SCN11A: variants seen among roughly 807,000 people sequenced by gnomAD.
SCN11A encodes the protein sodium channel protein type 11 subunit alpha.
Under a neutral mutation model 162.2 loss-of-function variants are expected in SCN11A, and 122 were observed. That is an observed-to-expected ratio of 0.75 (90% CI 0.65 to 0.87). The LOEUF (loss-of-function observed/expected upper bound fraction) is 0.87. Ranked by LOEUF, SCN11A falls within the 40% of genes least tolerant of loss-of-function variation. The probability of loss-of-function intolerance (pLI) is 0.00; values close to 1 mark genes in which losing one functional copy is unlikely to be tolerated. For synonymous variants in SCN11A, 758 were observed against 751.5 expected (o/e 1.01, Z -0.14); for missense variants, 2,015 against 2,181.6 (o/e 0.92, Z 1.52).
intron 29 of SCN11A, 33 bp downstream of exon 29, chr3:38,850,448 C>A (rs28714970): frequency 6.3e-7 from 1 of 1,579,210 alleles, no homozygotes; most frequent in Non-Finnish European, 8.6e-7. Flanking sequence ...ACTTCTGGTT[C>A]TTAAAGTCCC....
chr3:38,937,559 G>A (rs867812741), intron 7 of SCN11A, among the ~76,000 whole-genome samples: 1,561 of 151,270 alleles, frequency 0.01, 19 homozygotes, highest in African/African-American at 0.036. Flanking sequence ...AAAAGTGGGC[G>A]AAGGACATGA....
chr3:38,872,131 C>A (rs1381591790), intron 24 of SCN11A, 62 bp downstream of exon 24: 1 of 994,068 alleles, frequency 1.0e-6, no homozygotes. Context: ...CCAAAAAGAA[C>A]TGTTGGTCTT....
intron 2 of SCN11A, among the ~76,000 whole-genome samples, chr3:39,011,353 CT>C (rs140246115): frequency 0.029 from 4,388 of 152,244 alleles, 213 homozygotes; most frequent in African/African-American, 0.1. Context: ...GGAAGTAAGG[CT>C]TTGCCTAAAA....
At chr3:38,960,956 C>G (rs952613815) in intron 2 of SCN11A, among the ~76,000 whole-genome samples, 2 of 152,180 alleles carry the variant, frequency 1.3e-5, no homozygotes, top group African/African-American at 4.8e-5. Context: ...ACCCAAAACT[C>G]CCCCAAGTAA....
chr3:39,020,188 C>T (rs1356859472), intron 2 of SCN11A, among the ~76,000 whole-genome samples: 1 of 152,108 alleles, frequency 6.6e-6, no homozygotes, highest in Non-Finnish European at 1.5e-5. Flanking sequence ...AGCCTTAGCG[C>T]ATAGTAAGCA....
At chr3:38,957,174 T>C (rs547557442) in intron 3 of SCN11A, among the ~76,000 whole-genome samples, 1 of 151,834 alleles carries the variant, frequency 6.6e-6, no homozygotes, top group South Asian at 2.1e-4. Context: ...GCATAGTAGT[T>C]CAAAGAAAAA....
chr3:38,980,057 A>G (rs2029971873), intron 2 of SCN11A, among the ~76,000 whole-genome samples: 1 of 152,152 alleles, frequency 6.6e-6, no homozygotes, highest in Non-Finnish European at 1.5e-5. Context: ...CACCAGGCCC[A>G]GGGGACCAGG....
intron 2 of SCN11A, among the ~76,000 whole-genome samples, chr3:38,993,446 T>C (rs1177997259): frequency 6.6e-6 from 1 of 152,220 alleles, no homozygotes; most frequent in Non-Finnish European, 1.5e-5. Context: ...CTTGGCTCCC[T>C]TCTCCTCCTC....
intron 2 of SCN11A, among the ~76,000 whole-genome samples, chr3:38,997,564 C>A (rs914756885): frequency 2.0e-5 from 3 of 152,292 alleles, no homozygotes; most frequent in Non-Finnish European, 4.4e-5. Context: ...AGGTTTGATA[C>A]GTATTCCTCT....
intron 15 of SCN11A, 60 bp downstream of exon 15, chr3:38,905,132 A>T (rs2065771900): frequency 1.2e-6 from 2 of 1,609,074 alleles, no homozygotes; most frequent in Admixed American, 3.3e-5. Context: ...ATTGGGAAGA[A>T]GAAGAATGGA....
At chr3:38,865,517 AAAAG>A (rs1186976067) in intron 27 of SCN11A, among the ~76,000 whole-genome samples, 1 of 152,222 alleles carries the variant, frequency 6.6e-6, no homozygotes, top group Non-Finnish European at 1.5e-5. Flanking sequence ...GAGGAAAAAT[AAAAG>A]AAAGCCATAA....
chr3:38,989,155 T>C (rs899196281), intron 2 of SCN11A, among the ~76,000 whole-genome samples: 40 of 152,224 alleles, frequency 2.6e-4, no homozygotes, highest in African/African-American at 9.7e-4. Context: ...GAGACTGCGA[T>C]GCTGGGGAGA....
intron 13 of SCN11A, among the ~76,000 whole-genome samples, chr3:38,908,425 G>T (rs2065834804): frequency 6.6e-6 from 1 of 152,296 alleles, no homozygotes; most frequent in East Asian, 1.9e-4. Flanking sequence ...TGATAGTGCA[G>T]ATGTTAAGCA....
At chr3:39,013,595 A>G (rs1311488780) in intron 2 of SCN11A, among the ~76,000 whole-genome samples, 1 of 152,244 alleles carries the variant, frequency 6.6e-6, no homozygotes, top group African/African-American at 2.4e-5. Flanking sequence ...GGATCAGCAT[A>G]GCCCACCCTT....
chr3:38,851,421 T>C (rs925654203), intron 28 of SCN11A, among the ~76,000 whole-genome samples: 4 of 152,186 alleles, frequency 2.6e-5, no homozygotes, highest in South Asian at 4.1e-4. Flanking sequence ...GGTTTATATA[T>C]AGATGGCCAT....
At chr3:38,963,526 T>C (rs1411703006) in intron 2 of SCN11A, among the ~76,000 whole-genome samples, 1 of 149,774 alleles carries the variant, frequency 6.7e-6, no homozygotes. Context: ...TACATATATA[T>C]AATGGAACAC....
intron 19 of SCN11A, 99 bp from the exon 20 acceptor site, chr3:38,886,337 G>T: frequency 1.5e-6 from 1 of 679,476 alleles, no homozygotes; most frequent in Non-Finnish European, 2.5e-6. Flanking sequence ...TTTGTCATGA[G>T]AATAAGCCTT....
intron 7 of SCN11A, among the ~76,000 whole-genome samples, chr3:38,933,756 C>T (rs920068558): frequency 6.6e-6 from 1 of 152,134 alleles, no homozygotes; most frequent in African/African-American, 2.4e-5. Flanking sequence ...GATTGGTGTA[C>T]CTGAAAGTGA....
chr3:39,012,600 C>G (rs1000177553), intron 2 of SCN11A, among the ~76,000 whole-genome samples: 6 of 151,924 alleles, frequency 3.9e-5, no homozygotes, highest in Middle Eastern at 3.4e-3. Context: ...CCTGCCTCAG[C>G]CTCCCAAGCA....
Sources: allele counts gnomAD v4.1 joint callset (sites outside exome capture counted in the v4.1 genomes callset), GRCh38; gene constraint gnomAD v4.1.1; transcripts MANE v1.5; gene names NCBI Gene and HGNC (gene_info 2026-07-23, HGNC 2026-07-21).